The following AFF1 variants were observed in gnomAD, a reference collection of about 807,000 sequenced individuals.
The protein encoded by AFF1 is AF4/FMR2 family member 1.
In AFF1, 48 loss-of-function variants were observed where a neutral mutation model predicts 121.7. That is an observed-to-expected ratio of 0.39 (90% CI 0.31 to 0.50). The LOEUF (loss-of-function observed/expected upper bound fraction) is 0.50, where lower values mean the gene tolerates loss of function less well. AFF1 is among the 20% of genes least tolerant of loss of function. The pLI is 0.76. For missense variants in AFF1, 1,523 were observed against 1,511.7 expected (o/e 1.01, Z -0.12); for synonymous variants, 613 against 563.0 (o/e 1.09, Z -1.26).
chr4:87,037,448 A>G (rs1017549086), intron 2 of AFF1, among the ~76,000 whole-genome samples: 9 of 152,032 alleles, frequency 5.9e-5, no homozygotes, highest in African/African-American at 1.2e-4. Context: ...AGTAGCTGGG[A>G]TTACAGGCAC....
At chr4:87,110,493 C>G (rs550099255) in intron 11 of AFF1, among the ~76,000 whole-genome samples, 1 of 139,682 alleles carries the variant, frequency 7.2e-6, no homozygotes, top group African/African-American at 3.0e-5. Flanking sequence ...TTTGTTGGTA[C>G]CGATTAACCA....
At position 87,139,786 on chromosome 4, in the gene AFF1, T is replaced by C. The variant is rs183779677; in HGVS notation, c.*4085T>C. ...GGGGTTTTCCTTCAAACACTGCAAG[T>C]GATATTGCCACCATGTGAACCTCAA... On this transcript the variant is annotated 3_prime_UTR_variant, in exon 21 of 21. Coordinates refer to ENST00000395146, the MANE Select transcript of AFF1 (RefSeq NM_001166693.3). The C allele has an allele frequency of 3.2e-3, 730 of 226,320 alleles. 8 individuals are homozygous for C. Among genetic ancestry groups the C allele is most frequent in the Non-Finnish European group, 4.7e-3 (530 of 113,758 alleles). 14.0% of individuals were successfully genotyped at this position (226,320 alleles called of 1,614,324 possible).
chr4:87,073,280 C>CAAAAAAAAAAAAAAAAAAAAA (rs55821662), intron 4 of AFF1, among the ~76,000 whole-genome samples: 2 of 83,672 alleles, frequency 2.4e-5, no homozygotes, highest in African/African-American at 1.0e-4. Flanking sequence ...GCATTAAAGC[C>CAAAAAAAAAAAAAAAAAAAAA]AAAAAAAAAA....
chr4:86,974,508 A>C (rs1393923084), intron 2 of AFF1, among the ~76,000 whole-genome samples: 1 of 152,100 alleles, frequency 6.6e-6, no homozygotes, highest in Non-Finnish European at 1.5e-5. Context: ...AAATGCAGGG[A>C]TTTATATTAA....
At chr4:86,950,368 A>T (rs1721224235) in intron 2 of AFF1, among the ~76,000 whole-genome samples, 1 of 152,066 alleles carries the variant, frequency 6.6e-6, no homozygotes, top group Non-Finnish European at 1.5e-5. Context: ...ACGGGGTTTC[A>T]CCATGTTGGC....
At position 86,938,188 on chromosome 4, in the gene AFF1, G is replaced by A. The variant is rs376347970; in HGVS notation, c.-37+2948G>A. Among the ~76,000 whole-genome samples the A allele has an allele frequency of 3.2e-4, 48 of 152,224 alleles. 1 individual carries two copies. The East Asian group carries it at 7.3e-3, about 23-fold the overall frequency. On this transcript the variant is annotated intron_variant, in intron 1 of 20. Coordinates refer to ENST00000395146, the MANE Select transcript of AFF1 (RefSeq NM_001166693.3). Reference sequence around the variant, plus strand: ...ATTGGGGCCAGGTGTGGTGGCTCACGCCTGTAATCCCAACACTTTGGGAGG... The same window carrying A: ...ATTGGGGCCAGGTGTGGTGGCTCACACCTGTAATCCCAACACTTTGGGAGG...
At chr4:86,940,408 C>T (rs1249089188) in intron 1 of AFF1, among the ~76,000 whole-genome samples, 1 of 152,126 alleles carries the variant, frequency 6.6e-6, no homozygotes, top group African/African-American at 2.4e-5. Context: ...GAAGGGAATC[C>T]TGAGTTTTTA....
intron 2 of AFF1, among the ~76,000 whole-genome samples, chr4:86,989,279 A>C (rs529331941): frequency 6.6e-6 from 1 of 152,246 alleles, no homozygotes; most frequent in Non-Finnish European, 1.5e-5. Context: ...AATTTTTGCA[A>C]TCTATCCATC....
intron 2 of AFF1, among the ~76,000 whole-genome samples, chr4:87,010,825 C>G (rs562244094): frequency 6.6e-6 from 1 of 152,136 alleles, no homozygotes; most frequent in African/African-American, 2.4e-5. Flanking sequence ...TGGTGGCTCA[C>G]GCCTGTAATC....
At chr4:86,961,630 T>C (rs905362510) in intron 2 of AFF1, among the ~76,000 whole-genome samples, 2 of 150,750 alleles carry the variant, frequency 1.3e-5, no homozygotes, top group East Asian at 2.0e-4. Context: ...CTGAGTCATA[T>C]GGCAGGAAAA....
intron 19 of AFF1, among the ~76,000 whole-genome samples, chr4:87,132,627 T>C (rs1483615141): frequency 6.6e-6 from 1 of 152,206 alleles, no homozygotes; most frequent in East Asian, 1.9e-4. Context: ...TTGGAAAACA[T>C]AAAAAGGTAA....
At chr4:87,135,539 G>A (rs765557378) in intron 20 of AFF1, 41 bp from the exon 21 acceptor site, 1 of 1,487,036 alleles carries the variant, frequency 6.7e-7, no homozygotes, top group Non-Finnish European at 9.0e-7. Context: ...GTGTGTGCTT[G>A]TGTATTTACT....
intron 2 of AFF1, among the ~76,000 whole-genome samples, chr4:86,985,000 A>T (rs1333980170): frequency 2.0e-5 from 3 of 151,440 alleles, no homozygotes; most frequent in Non-Finnish European, 4.4e-5. Flanking sequence ...TTATTATTGT[A>T]CTTGTTAAGA....
At chr4:87,048,340 C>A (rs1425737958) in intron 4 of AFF1, among the ~76,000 whole-genome samples, 1 of 152,060 alleles carries the variant, frequency 6.6e-6, no homozygotes, top group African/African-American at 2.4e-5. Context: ...AAAAATATTT[C>A]TTTTTCTACT....
At chr4:87,135,173 G>T (rs145183755) in intron 20 of AFF1, among the ~76,000 whole-genome samples, 64 of 152,352 alleles carry the variant, frequency 4.2e-4, no homozygotes, top group African/African-American at 1.5e-3. Flanking sequence ...GTTTGGGGAA[G>T]AAGACCCTTG....
intron 2 of AFF1, among the ~76,000 whole-genome samples, chr4:86,992,512 C>T (rs969960116): frequency 3.9e-5 from 6 of 152,130 alleles, no homozygotes; most frequent in Non-Finnish European, 7.3e-5. Context: ...TATGTGAATT[C>T]CCAAGTGACA....
At chr4:86,995,812 A>G (rs1224872824) in intron 2 of AFF1, among the ~76,000 whole-genome samples, 1 of 133,676 alleles carries the variant, frequency 7.5e-6, no homozygotes, top group African/African-American at 2.9e-5. Context: ...CTGGCTGCCC[A>G]GTCTGGAAAG....
intron 4 of AFF1, among the ~76,000 whole-genome samples, chr4:87,061,561 T>A (rs1279993247): frequency 1.3e-5 from 2 of 152,210 alleles, no homozygotes; most frequent in Non-Finnish European, 2.9e-5. Flanking sequence ...TACCTTCACA[T>A]TGAAATCTGG....
At chr4:87,132,554 A>G (rs1728932750) in intron 19 of AFF1, 146 bp downstream of exon 19, 2 of 653,568 alleles carry the variant, frequency 3.1e-6, no homozygotes, top group African/African-American at 1.9e-5. Context: ...TTGCTCCTAA[A>G]TTTAAATTAT....
Sources: allele counts gnomAD v4.1 joint callset (sites outside exome capture counted in the v4.1 genomes callset), GRCh38; gene constraint gnomAD v4.1.1; transcripts MANE v1.5; gene names NCBI Gene and HGNC (gene_info 2026-07-23, HGNC 2026-07-21).